Variants in FAM107B observed in about 807,000 individuals in gnomAD.
FAM107B encodes the protein family with sequence similarity 107 member B.
A neutral mutation model predicts 31.5 loss-of-function variants in FAM107B; 21 were observed. That is an observed-to-expected ratio of 0.67 (90% CI 0.47 to 0.96). The LOEUF is 0.96. FAM107B is among the 40% of genes least tolerant of loss of function. The pLI is 0.00. For missense variants in FAM107B, 452 were observed against 377.1 expected (o/e 1.20, Z -1.64); for synonymous variants, 157 against 141.5 (o/e 1.11, Z -0.78).
chr10:14,519,241 C>T lies in FAM107B; in HGVS notation c.*1949G>A, dbSNP rs1845408025. The T allele has an allele frequency of 6.6e-6, 1 of 152,020 alleles. No homozygotes were observed. Among genetic ancestry groups the T allele is most frequent in the Admixed American group, 6.6e-5 (1 of 15,258 alleles). 9.4% of individuals were successfully genotyped at this position (152,020 alleles called of 1,614,324 possible). On this transcript the variant is annotated 3_prime_UTR_variant, in exon 5 of 5. Transcript: ENST00000181796. ...CTTCTAAAGGAGCCTACCAGGGCCC[C>T]TGTGAATACGATCAAGTGGCAGAAT...
At chr10:14,628,602 T>C (rs1167986660) in intron 2 of FAM107B, among the ~76,000 whole-genome samples, 4 of 152,360 alleles carry the variant, frequency 2.6e-5, no homozygotes, top group Admixed American at 6.5e-5. Flanking sequence ...TGGGTAAATA[T>C]ATTTTAACCC....
At position 14,548,727 on chromosome 10, in the gene FAM107B, C is replaced by T. The variant is rs1848954841; in HGVS notation, c.470-18212G>A. ...TCACATGACCACTCTAGCCGCAAAA[C>T]GTGCCAGAAAAATGCAAATTGGCAT... is the stretch of plus-strand genomic sequence containing the variant. On this transcript the variant is annotated intron_variant, in intron 2 of 4. Transcript: ENST00000181796. 4.3e-6 allele frequency: 4 copies of T among 922,950 alleles called. 1 individual carries two copies. The African/African-American group carries it at 5.4e-5, about 12-fold the overall frequency. The allele number at this position is 922,950 out of a possible 1,614,324, so 57.2% of individuals were successfully genotyped here.
chr10:14,634,293 G>A (rs907503433), intron 2 of FAM107B, among the ~76,000 whole-genome samples: 16 of 151,916 alleles, frequency 1.1e-4, no homozygotes, highest in African/African-American at 2.9e-4. Flanking sequence ...CCAGCTACTC[G>A]GGACGCTGAG....
chr10:14,582,475 C>G (rs1385672781), intron 2 of FAM107B, among the ~76,000 whole-genome samples: 1 of 142,596 alleles, frequency 7.0e-6, no homozygotes, highest in Non-Finnish European at 1.5e-5. Flanking sequence ...CTCCTGGATT[C>G]AAGCAATTCT....
chr10:14,547,155 G>A (rs1268393642), intron 2 of FAM107B, among the ~76,000 whole-genome samples: 1 of 152,178 alleles, frequency 6.6e-6, no homozygotes, highest in Non-Finnish European at 1.5e-5. Context: ...CACTGGCCCC[G>A]GCAGAAGCAA....
chr10:14,683,489 T>G (rs1854895534), intron 1 of FAM107B, among the ~76,000 whole-genome samples: 1 of 152,150 alleles, frequency 6.6e-6, no homozygotes. Flanking sequence ...TGTAGGAAAG[T>G]TTGACGCAAT....
At chr10:14,619,190 G>A (rs191771180) in intron 2 of FAM107B, among the ~76,000 whole-genome samples, 31 of 152,296 alleles carry the variant, frequency 2.0e-4, no homozygotes, top group Admixed American at 1.7e-3. Flanking sequence ...GTTGTTTTAA[G>A]CCACTCACTT....
At chr10:14,699,107 A>G (rs1174999430) in intron 1 of FAM107B, among the ~76,000 whole-genome samples, 1 of 152,172 alleles carries the variant, frequency 6.6e-6, no homozygotes, top group Admixed American at 6.5e-5. Flanking sequence ...AAAGGCAAGG[A>G]AAGTCTGGTA....
At chr10:14,642,061 A>T (rs1027009685) in intron 2 of FAM107B, among the ~76,000 whole-genome samples, 2 of 152,240 alleles carry the variant, frequency 1.3e-5, no homozygotes, top group Admixed American at 1.3e-4. Flanking sequence ...AAAATACAAC[A>T]TTGGGACAGG....
At chr10:14,626,554 A>C (rs1853169813) in intron 2 of FAM107B, among the ~76,000 whole-genome samples, 1 of 128,218 alleles carries the variant, frequency 7.8e-6, no homozygotes, top group South Asian at 2.5e-4. Flanking sequence ...CCCAGGCTGG[A>C]GTGCAGTGGC....
chr10:14,548,484 A>ACGAGAATG, intron 2 of FAM107B: 1 of 985,634 alleles, frequency 1.0e-6, no homozygotes. Flanking sequence ...TGCAGTTCAC[A>ACGAGAATG]CGAGAATGCT....
At chr10:14,672,241 A>G (rs1165781310) in intron 1 of FAM107B, among the ~76,000 whole-genome samples, 2 of 152,064 alleles carry the variant, frequency 1.3e-5, no homozygotes, top group Non-Finnish European at 2.9e-5. Context: ...GGCACCTGCC[A>G]CCATGCCCAG....
chr10:14,559,173 A>G (rs1850008647), intron 2 of FAM107B, among the ~76,000 whole-genome samples: 1 of 151,930 alleles, frequency 6.6e-6, no homozygotes, highest in African/African-American at 2.4e-5. Flanking sequence ...AAGAGAATCG[A>G]TCAAGATCAG....
intron 1 of FAM107B, among the ~76,000 whole-genome samples, chr10:14,752,084 G>A (rs545151144): frequency 1.3e-5 from 2 of 152,144 alleles, no homozygotes; most frequent in Non-Finnish European, 2.9e-5. Flanking sequence ...TCAGACTGAT[G>A]TCACTCCCAG....
rs78057718 is a variant in FAM107B at position 14,715,405 on chromosome 10, A to T, written c.412-47714T>A. 1.1e-4 allele frequency among the ~76,000 whole-genome samples: 17 copies of T among 152,354 alleles called. No individual in the cohort carries two copies. The East Asian group carries it at 3.3e-3, about 29-fold the overall frequency. ...AAGATTAGTAAGATAGAAAAATATA[A>T]GAAAATTAGATCAACTTAAGAGTTT... On this transcript the variant is annotated intron_variant, in intron 1 of 4. Coordinates refer to ENST00000181796, the MANE Select transcript of FAM107B (RefSeq NM_031453.4).
At chr10:14,689,046 T>A (rs577433434) in intron 1 of FAM107B, among the ~76,000 whole-genome samples, 1 of 152,178 alleles carries the variant, frequency 6.6e-6, no homozygotes, top group East Asian at 1.9e-4. Context: ...GCATCTACTA[T>A]GTGCATGTCG....
chr10:14,697,154 T>C (rs1210135905), intron 1 of FAM107B, among the ~76,000 whole-genome samples: 3 of 152,198 alleles, frequency 2.0e-5, no homozygotes, highest in Non-Finnish European at 2.9e-5. Context: ...GCTGAGGCTA[T>C]GGAGTGCAAG....
At chr10:14,725,545 C>A (rs1441929721) in intron 1 of FAM107B, among the ~76,000 whole-genome samples, 1 of 152,084 alleles carries the variant, frequency 6.6e-6, no homozygotes, top group African/African-American at 2.4e-5. Context: ...TTAAGACCCC[C>A]TTCCTGGTTT....
At chr10:14,635,126 A>AAAGG (rs1321593575) in intron 2 of FAM107B, among the ~76,000 whole-genome samples, 10 of 144,112 alleles carry the variant, frequency 6.9e-5, no homozygotes, top group Admixed American at 4.8e-4. Context: ...AGGAAAGAAG[A>AAAGG]AAGGAAGGAA....
Sources: gnomAD v4.1 joint callset for allele counts (sites outside exome capture counted in the v4.1 genomes callset) on GRCh38, gnomAD v4.1.1 for gene constraint, MANE v1.5 for transcripts, NCBI Gene and HGNC (gene_info 2026-07-23, HGNC 2026-07-21) for gene names.